Variants in PIK3C2G observed in about 807,000 individuals in gnomAD.
PIK3C2G encodes the protein phosphatidylinositol-4-phosphate 3-kinase catalytic subunit type 2 gamma.
A neutral mutation model predicts 181.1 loss-of-function variants in PIK3C2G; 168 were observed. That is an observed-to-expected ratio of 0.93 (90% CI 0.82 to 1.05). The LOEUF (loss-of-function observed/expected upper bound fraction) is 1.05. PIK3C2G is among the 50% of genes least tolerant of loss of function. The probability of loss-of-function intolerance (pLI) is 0.00; values close to 1 mark genes in which losing one functional copy is unlikely to be tolerated. For synonymous variants in PIK3C2G, 573 were observed against 592.2 expected, an observed-to-expected ratio of 0.97 and a Z score of 0.47; for missense variants, 1,869 against 1,732.8, an observed-to-expected ratio of 1.08 and a Z score of -1.40.
chr12:18,552,719 C>T (rs992593432), intron 26 of PIK3C2G, among the ~76,000 whole-genome samples: 1 of 152,104 alleles, frequency 6.6e-6, no homozygotes, highest in African/African-American at 2.4e-5. Flanking sequence ...GATATAACCA[C>T]TTATAATATC....
In PIK3C2G at chr12:18,274,855, G is replaced by A. The variant is rs544154814; in HGVS notation, c.-78-7149G>A. On this transcript the variant is annotated intron_variant, in intron 1 of 32. Transcript: ENST00000538779. ...TTCATGTCCTCCACCTTTTATTAAAGTTGAACTACGTATATGTTGTCAGAT... is the reference window on the plus strand; with the variant it reads ...TTCATGTCCTCCACCTTTTATTAAAATTGAACTACGTATATGTTGTCAGAT... Among the ~76,000 whole-genome samples, 118 of 152,208 alleles carry A rather than the reference G, an allele frequency of 7.8e-4. 1 individual carries two copies. The highest frequency in any genetic ancestry group is 1.1e-3 in the Admixed American group (17 of 15,292).
chr12:18,489,687 G>A (rs924163760), intron 19 of PIK3C2G, among the ~76,000 whole-genome samples: 6 of 152,098 alleles, frequency 3.9e-5, no homozygotes, highest in Non-Finnish European at 7.4e-5. Flanking sequence ...TTTTTTAAAC[G>A]TTACTACAAG....
At chr12:18,584,966 T>C (rs772761483) in intron 29 of PIK3C2G, among the ~76,000 whole-genome samples, 9 of 151,942 alleles carry the variant, frequency 5.9e-5, no homozygotes, top group Non-Finnish European at 1.0e-4. Flanking sequence ...GAAGGAGAAA[T>C]AAGATCCTTT....
chr12:18,362,642 T>A (rs1394641533), intron 11 of PIK3C2G, 122 bp from the exon 12 acceptor site: 7 of 675,204 alleles, frequency 1.0e-5, no homozygotes, highest in Non-Finnish European at 1.4e-5. Flanking sequence ...TTTTAAAGCA[T>A]GCTTTATGCA....
chr12:18,615,375 G>GTGTATGCA lies in PIK3C2G; in HGVS notation c.4182+5747_4182+5748insGTATGCAT, dbSNP rs1555150547. 3.0e-3 allele frequency among the ~76,000 whole-genome samples: 267 copies of GTGTATGCA among 89,604 alleles called. 1 individual carries two copies. The highest frequency in any genetic ancestry group is 7.9e-3 in the African/African-American group (257 of 32,646). 58.8% of individuals were successfully genotyped at this position (89,604 alleles called of 152,430 possible). A position where few individuals can be genotyped will look rare whatever the true frequency, so the allele number is the denominator to read the frequency against. The stretch of plus-strand genomic sequence containing the variant: ...TGTGTGTGTGTGTGTGTGTGTATGT[G>GTGTATGCA]TATATATATATATCACGGTAGTATT... On this transcript the variant is annotated intron_variant, in intron 31 of 32. Coordinates refer to ENST00000538779, the MANE Select transcript of PIK3C2G (RefSeq NM_001288772.2).
intron 31 of PIK3C2G, among the ~76,000 whole-genome samples, chr12:18,612,443 G>A (rs2136615076): frequency 6.6e-6 from 1 of 152,152 alleles, no homozygotes; most frequent in African/African-American, 2.4e-5. Flanking sequence ...CAAGTATATA[G>A]TAGGTACTCA....
intron 8 of PIK3C2G, among the ~76,000 whole-genome samples, chr12:18,334,419 GA>G (rs1391811145): frequency 1.3e-5 from 2 of 152,000 alleles, no homozygotes; most frequent in African/African-American, 4.8e-5. Flanking sequence ...TCAAATACTT[GA>G]AATGGTTATA....
At chr12:18,468,065 C>A (rs185763541) in intron 18 of PIK3C2G, among the ~76,000 whole-genome samples, 1 of 152,112 alleles carries the variant, frequency 6.6e-6, no homozygotes, top group East Asian at 1.9e-4. Flanking sequence ...ACAGCCCAAA[C>A]CTCAACTGCT....
At chr12:18,254,023 AG>A (rs34366746) in intron 1 of PIK3C2G, among the ~76,000 whole-genome samples, 63,528 of 151,342 alleles carry the variant, frequency 0.42, 13,906 homozygotes, top group East Asian at 0.74. Context: ...AGAAAAAAAA[AG>A]ATGCATCCTA....
At chr12:18,310,392 A>T (rs10841016) in intron 5 of PIK3C2G, among the ~76,000 whole-genome samples, 79,961 of 151,610 alleles carry the variant, frequency 0.53, 21,484 homozygotes, top group East Asian at 0.74. Context: ...ATTTTTAAGA[A>T]ATCTGTCTTC....
chr12:18,470,902 T>C (rs1372766996), intron 18 of PIK3C2G, among the ~76,000 whole-genome samples: 2 of 152,152 alleles, frequency 1.3e-5, no homozygotes, highest in Non-Finnish European at 2.9e-5. Context: ...TATAATGTTT[T>C]ATTTATCATC....
intron 25 of PIK3C2G, among the ~76,000 whole-genome samples, chr12:18,538,976 A>G (rs1482816413): frequency 1.1e-4 from 16 of 152,014 alleles, no homozygotes; most frequent in Admixed American, 1.1e-3. Flanking sequence ...GGAGAGGGAT[A>G]TAGTGATTCC....
At chr12:18,710,159 T>C in the PIK3C2G span, among the ~76,000 whole-genome samples, 1 of 148,896 alleles carries the variant, frequency 6.7e-6, no homozygotes, top group East Asian at 2.0e-4. Flanking sequence ...CATTGCATTT[T>C]GTCTCTTTTT....
chr12:18,425,786 T>C (rs1303738555), intron 18 of PIK3C2G, among the ~76,000 whole-genome samples: 2 of 152,340 alleles, frequency 1.3e-5, no homozygotes, highest in Admixed American at 1.3e-4. Context: ...CAGAAATACC[T>C]ACACAAGGGT....
chr12:18,643,206 T>C (rs1371070481), intron 32 of PIK3C2G, among the ~76,000 whole-genome samples: 1 of 152,170 alleles, frequency 6.6e-6, no homozygotes, highest in Non-Finnish European at 1.5e-5. Flanking sequence ...GCACATAACT[T>C]TTCTGAGGGC....
intron 24 of PIK3C2G, among the ~76,000 whole-genome samples, chr12:18,514,252 G>T (rs1215358489): frequency 6.6e-6 from 1 of 151,652 alleles, no homozygotes; most frequent in African/African-American, 2.4e-5. Flanking sequence ...GACCTTACAC[G>T]ATCTATCCTG....
Position 18,503,392 on chromosome 12 carries a change from A to G in PIK3C2G, c.3128A>G (p.Asn1043Ser), listed in dbSNP as rs1416159606. ...ATTAAAAAGTGGTTCAGTCAGCACA[A>G]CCACTTAAAGGCAGATTATGAAAAG... Reference protein sequence around the residue: ...NTIKKWFSQHNHLKADYEKAL... With the variant: ...NTIKKWFSQHSHLKADYEKAL... Residue 1043 changes from asparagine (N) to serine (S), a missense_variant, in exon 23 of 33, where the codon AAC becomes AGC. By Grantham distance (46) the Asn-to-Ser change is conservative. Transcript: ENST00000538779. 7 of 1,609,888 alleles carry G rather than the reference A, an allele frequency of 4.3e-6. No individual in the cohort carries two copies. Among genetic ancestry groups the G allele is most frequent in the South Asian group, 1.1e-5 (1 of 90,392 alleles).
At chr12:18,673,742 A>T in the PIK3C2G span, among the ~76,000 whole-genome samples, 1 of 152,168 alleles carries the variant, frequency 6.6e-6, no homozygotes, top group Non-Finnish European at 1.5e-5. Flanking sequence ...ACTTCTCATC[A>T]GGGGAAGGAT....
chr12:18,452,930 CTGTT>C (rs1947444159), intron 18 of PIK3C2G, among the ~76,000 whole-genome samples: 1 of 152,114 alleles, frequency 6.6e-6, no homozygotes, highest in Non-Finnish European at 1.5e-5. Flanking sequence ...GTCCGAGAGA[CTGTT>C]TGTTATGATT....
Sources: gnomAD v4.1 joint callset for allele counts (sites outside exome capture counted in the v4.1 genomes callset) on GRCh38, gnomAD v4.1.1 for gene constraint, MANE v1.5 for transcripts, NCBI Gene and HGNC (gene_info 2026-07-23, HGNC 2026-07-21) for gene names.